NXPH1: variants seen among roughly 807,000 people sequenced by gnomAD.
The protein encoded by NXPH1 is neurexophilin-1.
A neutral mutation model predicts 23.7 loss-of-function variants in NXPH1; 5 were observed. The ratio of observed to expected loss-of-function variants is 0.21; its 90% CI spans 0.11 to 0.44. The LOEUF (loss-of-function observed/expected upper bound fraction) is 0.44. Ranked by LOEUF, NXPH1 falls within the 20% of genes least tolerant of loss-of-function variation. NXPH1 has a pLI of 0.99. For synonymous variants in NXPH1, 144 were observed against 122.2 expected, an observed-to-expected ratio of 1.18 and a Z score of -1.18; for missense variants, 324 against 321.6, an observed-to-expected ratio of 1.01 and a Z score of -0.06.
chr7:8,461,612 T>C (rs907624743), intron 2 of NXPH1, among the ~76,000 whole-genome samples: 3 of 150,408 alleles, frequency 2.0e-5, no homozygotes, highest in Non-Finnish European at 4.4e-5. Flanking sequence ...GGGTGGATCA[T>C]GAGGTCAGGA....
At chr7:8,492,488 A>G (rs1817264487) in intron 2 of NXPH1, among the ~76,000 whole-genome samples, 2 of 152,036 alleles carry the variant, frequency 1.3e-5, no homozygotes, top group South Asian at 2.1e-4. Flanking sequence ...TAAATAAGAT[A>G]TTTATTTATT....
rs143262821 is a variant in NXPH1 at position 8,435,495 on chromosome 7, CTT to C, written c.-110-100_-110-99del. The C allele has an allele frequency of 1.7e-4, 81 of 488,342 alleles. No individual in the cohort carries two copies. Among genetic ancestry groups the C allele is most frequent in the East Asian group, 2.2e-4 (6 of 27,346 alleles). 30.3% of individuals were successfully genotyped at this position (488,342 alleles called of 1,614,324 possible). A position where few individuals can be genotyped will look rare whatever the true frequency, so the allele number is the denominator to read the frequency against. On this transcript the variant is annotated intron_variant, in intron 1 of 2. Coordinates refer to ENST00000405863, the MANE Select transcript of NXPH1 (RefSeq NM_152745.3). This position sits in a 1 kb window ranked among gnomAD's most constrained non-coding sequence, Gnocchi z 5.9. ...TTTCAATTTTTCGTACCCTCCCTCC[CTT>C]TTTTTTTTGGTCCCCCACTCCCCGC...
In NXPH1 at chr7:8,560,224, A is replaced by C. The variant is rs185317523; in HGVS notation, c.54+124457A>C. ...AGTCTAGTATTATCAAAAAATTATA[A>C]GCTGTGAAGTTTGACTTCTCAAACC... On this transcript the variant is annotated intron_variant, in intron 2 of 2. Transcript: ENST00000405863. 1.4e-3 allele frequency among the ~76,000 whole-genome samples: 209 copies of C among 151,854 alleles called. 1 individual carries two copies. The highest frequency in any genetic ancestry group is 4.6e-3 in the African/African-American group (193 of 41,510).
intron 2 of NXPH1, among the ~76,000 whole-genome samples, chr7:8,465,501 T>C (rs1816772735): frequency 6.6e-6 from 1 of 152,140 alleles, no homozygotes; most frequent in Non-Finnish European, 1.5e-5. Flanking sequence ...GCAGTGTCCC[T>C]GACAAGTAGA....
intron 2 of NXPH1, among the ~76,000 whole-genome samples, chr7:8,469,335 TA>T (rs986951367): frequency 5.9e-5 from 9 of 151,538 alleles, no homozygotes; most frequent in Admixed American, 1.3e-4. Context: ...ACATGAACAT[TA>T]AAAAAAAATC....
intron 2 of NXPH1, among the ~76,000 whole-genome samples, chr7:8,625,020 G>A (rs568865509): frequency 2.6e-5 from 4 of 152,178 alleles, no homozygotes; most frequent in African/African-American, 9.6e-5. Context: ...CCCTTCAGCT[G>A]TTTTAAAATA....
Position 8,520,507 on chromosome 7 carries a change from C to T in NXPH1, c.54+84740C>T, listed in dbSNP as rs75805703. The stretch of plus-strand genomic sequence containing the variant: ...TAAACATTTGCAGATATAAGTCCGA[C>T]ACGGTAGGAAAGTGACCCAAAGGGA... On this transcript the variant is annotated intron_variant, in intron 2 of 2. Transcript: ENST00000405863. Among the ~76,000 whole-genome samples, 216 of 152,272 alleles carry T rather than the reference C, an allele frequency of 1.4e-3. 3 individuals carry two copies. Among genetic ancestry groups the T allele is most frequent in the African/African-American group, 5.0e-3 (207 of 41,544 alleles).
At chr7:8,518,024 A>G (rs1484862414) in intron 2 of NXPH1, among the ~76,000 whole-genome samples, 2 of 152,170 alleles carry the variant, frequency 1.3e-5, no homozygotes, top group Admixed American at 1.3e-4. Context: ...GCAAATTCTT[A>G]GGTGCTGAAT....
chr7:8,488,395 T>C (rs1266858833), intron 2 of NXPH1, among the ~76,000 whole-genome samples: 1 of 152,114 alleles, frequency 6.6e-6, no homozygotes, highest in African/African-American at 2.4e-5. Flanking sequence ...TCTTAAATGT[T>C]TATAACATTT....
intron 2 of NXPH1, among the ~76,000 whole-genome samples, chr7:8,639,071 A>G (rs1341177876): frequency 6.6e-6 from 1 of 152,216 alleles, no homozygotes; most frequent in Non-Finnish European, 1.5e-5. Context: ...CAAGCAGTCG[A>G]TTACTGGTAG....
At chr7:8,558,210 G>T (rs557544967) in intron 2 of NXPH1, among the ~76,000 whole-genome samples, 5 of 149,776 alleles carry the variant, frequency 3.3e-5, no homozygotes, top group Non-Finnish European at 7.4e-5. Flanking sequence ...AGTCAAAATT[G>T]TATCTGTTTA....
intron 2 of NXPH1, among the ~76,000 whole-genome samples, chr7:8,453,293 G>A (rs758683685): frequency 4.6e-5 from 7 of 152,124 alleles, no homozygotes; most frequent in Non-Finnish European, 1.0e-4. Context: ...CTTAGTCACC[G>A]AACATCTGAA....
At chr7:8,704,796 C>T (rs1245806889) in intron 2 of NXPH1, among the ~76,000 whole-genome samples, 1 of 151,810 alleles carries the variant, frequency 6.6e-6, no homozygotes, top group African/African-American at 2.4e-5. Context: ...AGGAACTTGA[C>T]TTGCATCACC....
At chr7:8,713,625 G>C (rs745459585) in intron 2 of NXPH1, among the ~76,000 whole-genome samples, 14 of 151,980 alleles carry the variant, frequency 9.2e-5, no homozygotes, top group Non-Finnish European at 1.6e-4. Flanking sequence ...AAAGAGACTT[G>C]TGTGCTGTGA....
intron 2 of NXPH1, among the ~76,000 whole-genome samples, chr7:8,569,084 A>G (rs571012993): frequency 1.3e-5 from 2 of 151,932 alleles, no homozygotes; most frequent in Non-Finnish European, 2.9e-5. Flanking sequence ...CAGGTTGCCA[A>G]TTCTGATGCA....
At chr7:8,638,215 A>G (rs532716614) in intron 2 of NXPH1, among the ~76,000 whole-genome samples, 46 of 152,304 alleles carry the variant, frequency 3.0e-4, no homozygotes, top group Middle Eastern at 3.4e-3. Flanking sequence ...AACATCTACA[A>G]TGGACTAATA....
At chr7:8,590,481 C>A (rs1191356540) in intron 2 of NXPH1, among the ~76,000 whole-genome samples, 3 of 151,976 alleles carry the variant, frequency 2.0e-5, no homozygotes, top group Admixed American at 1.3e-4. Flanking sequence ...AAATTAGAAC[C>A]TTTACAGATG....
chr7:8,670,736 A>C (rs2115169380), intron 2 of NXPH1, among the ~76,000 whole-genome samples: 1 of 152,324 alleles, frequency 6.6e-6, no homozygotes, highest in Admixed American at 6.5e-5. Context: ...AATTTGAAAA[A>C]GTTTTTGATA....
chr7:8,704,915 A>G (rs963881470), intron 2 of NXPH1, among the ~76,000 whole-genome samples: 1 of 152,156 alleles, frequency 6.6e-6, no homozygotes, highest in African/African-American at 2.4e-5. Flanking sequence ...ACAAGTATAT[A>G]TAAAATCTTC....
Sources: gnomAD v4.1 joint callset for allele counts (sites outside exome capture counted in the v4.1 genomes callset) on GRCh38, gnomAD v4.1.1 for gene constraint, Gnocchi (gnomAD v3.1) non-coding constraint, MANE v1.5 for transcripts, NCBI Gene and HGNC (gene_info 2026-07-23, HGNC 2026-07-21) for gene names.